RANBP2: variants seen among roughly 807,000 people sequenced by gnomAD.
The protein encoded by RANBP2 is E3 SUMO-protein ligase RanBP2.
RANBP2 carries 57 observed loss-of-function variants against 303.6 expected under a neutral mutation model. The ratio of observed to expected loss-of-function variants is 0.19; its 90% CI spans 0.15 to 0.23. RANBP2 has a LOEUF of 0.23. Among genes scored for constraint, RANBP2 ranks in the 10% least tolerant of loss-of-function variants. RANBP2 has a pLI of 1.00. For missense variants in RANBP2, 3,138 were observed against 3,780.8 expected (o/e 0.83, Z 4.46); for synonymous variants, 1,167 against 1,301.5 (o/e 0.90, Z 2.23).
chr2:109,582,590 G>A, the RANBP2 span, among the ~76,000 whole-genome samples: 1 of 152,120 alleles, frequency 6.6e-6, no homozygotes, highest in East Asian at 1.9e-4. Context: ...CAGAGTGCTA[G>A]GATTACAGGC....
At chr2:108,748,785 G>C (rs1438361429) in intron 8 of RANBP2, 135 bp from the exon 9 acceptor site, 6 of 1,533,706 alleles carry the variant, frequency 3.9e-6, no homozygotes, top group Non-Finnish European at 5.4e-6. Context: ...TTGTTGTCCA[G>C]CTGTATTTTT....
the RANBP2 span, among the ~76,000 whole-genome samples, chr2:108,927,517 C>T: frequency 5.3e-5 from 8 of 152,216 alleles, no homozygotes; most frequent in Non-Finnish European, 8.8e-5. Context: ...TCAGCCCTGG[C>T]CTTCGGGTAC....
the RANBP2 span, among the ~76,000 whole-genome samples, chr2:109,344,560 A>G: frequency 6.6e-6 from 1 of 152,192 alleles, no homozygotes; most frequent in East Asian, 1.9e-4. Context: ...CAGCAGGTGC[A>G]TGAGCTTGGC....
the RANBP2 span, among the ~76,000 whole-genome samples, chr2:108,865,423 T>TG: frequency 2.0e-5 from 3 of 152,192 alleles, no homozygotes; most frequent in Non-Finnish European, 4.4e-5. Context: ...ATTCATCTCT[T>TG]TGTCTTTTGG....
chr2:109,451,758 A>G, the RANBP2 span, among the ~76,000 whole-genome samples: 2 of 152,388 alleles, frequency 1.3e-5, no homozygotes, highest in African/African-American at 2.4e-5. Flanking sequence ...GAAAGGCGAC[A>G]TGCAGGGACG....
chr2:109,466,148 C>T, the RANBP2 span, among the ~76,000 whole-genome samples: 7 of 130,422 alleles, frequency 5.4e-5, no homozygotes, highest in African/African-American at 1.1e-4. Flanking sequence ...AGTGCTATCT[C>T]GGCTCACTGC....
At chr2:109,108,784 T>TG in the RANBP2 span, among the ~76,000 whole-genome samples, 2 of 152,144 alleles carry the variant, frequency 1.3e-5, no homozygotes, top group African/African-American at 4.8e-5. Flanking sequence ...AAAGCCCCTG[T>TG]GGCGCCCTCC....
chr2:109,069,346 T>C, the RANBP2 span, among the ~76,000 whole-genome samples: 2 of 152,228 alleles, frequency 1.3e-5, no homozygotes, highest in Non-Finnish European at 2.9e-5. Context: ...GTACTTCTTA[T>C]GAATGAAACA....
At chr2:108,733,608 T>C (rs1695348255) in intron 4 of RANBP2, among the ~76,000 whole-genome samples, 1 of 152,216 alleles carries the variant, frequency 6.6e-6, no homozygotes, top group Middle Eastern at 3.2e-3. Context: ...ATTTTAAATA[T>C]TAATCTAAAA....
chr2:108,970,324 G>A, the RANBP2 span, among the ~76,000 whole-genome samples: 7 of 152,300 alleles, frequency 4.6e-5, no homozygotes, highest in African/African-American at 1.7e-4. Flanking sequence ...ACAGGATGCA[G>A]GAAATATTTC....
At chr2:109,234,802 G>A in the RANBP2 span, among the ~76,000 whole-genome samples, 1 of 152,182 alleles carries the variant, frequency 6.6e-6, no homozygotes, top group African/African-American at 2.4e-5. Flanking sequence ...ACTTCCTGGG[G>A]AAATTCAACC....
the RANBP2 span, among the ~76,000 whole-genome samples, chr2:109,714,873 G>T: frequency 1.3e-5 from 2 of 150,284 alleles, no homozygotes; most frequent in Non-Finnish European, 3.0e-5. Context: ...GCCTCCCAAA[G>T]TGCTGGGATT....
At chr2:109,630,371 C>T in the RANBP2 span, among the ~76,000 whole-genome samples, 1 of 152,150 alleles carries the variant, frequency 6.6e-6, no homozygotes, top group East Asian at 1.9e-4. Flanking sequence ...GCTCCTCTAC[C>T]TCAATCATCC....
chr2:108,832,002 G>A, the RANBP2 span, among the ~76,000 whole-genome samples: 1 of 151,426 alleles, frequency 6.6e-6, no homozygotes, highest in Non-Finnish European at 1.5e-5. Context: ...CGAAGTGCTG[G>A]GATTACAAGC....
chr2:108,781,118 T>C (rs1464985076), intron 25 of RANBP2, 151 bp from the exon 26 acceptor site: 1 of 904,452 alleles, frequency 1.1e-6, no homozygotes, highest in African/African-American at 1.7e-5. Flanking sequence ...ATTACAGGCG[T>C]GAGGAATTTA....
At chr2:109,041,695 T>A in the RANBP2 span, among the ~76,000 whole-genome samples, 4 of 139,476 alleles carry the variant, frequency 2.9e-5, no homozygotes, top group East Asian at 2.1e-4. Context: ...CTTTTTTTTT[T>A]TTTTTTTTTT....
chr2:108,981,647 T>C, the RANBP2 span, among the ~76,000 whole-genome samples: 2 of 151,942 alleles, frequency 1.3e-5, no homozygotes, highest in African/African-American at 4.8e-5. Flanking sequence ...ATATATACTA[T>C]CCCCACACCC....
At chr2:109,629,726 G>A in the RANBP2 span, among the ~76,000 whole-genome samples, 8 of 151,668 alleles carry the variant, frequency 5.3e-5, no homozygotes, top group East Asian at 1.9e-4. Context: ...CAGAAGAATC[G>A]CTTGAACTCA....
chr2:109,212,326 T>TA, the RANBP2 span, among the ~76,000 whole-genome samples: 1 of 152,198 alleles, frequency 6.6e-6, no homozygotes, highest in East Asian at 1.9e-4. Context: ...AGTTTTCAAT[T>TA]AGAGTCTGAC....
Sources: gnomAD v4.1 joint callset for allele counts (sites outside exome capture counted in the v4.1 genomes callset) on GRCh38, gnomAD v4.1.1 for gene constraint, MANE v1.5 for transcripts, NCBI Gene and HGNC (gene_info 2026-07-23, HGNC 2026-07-21) for gene names.